Variants in ADARB2 observed in about 807,000 individuals in gnomAD.
ADARB2 encodes inactive double-stranded RNA-specific editase B2.
ADARB2 carries 25 observed loss-of-function variants against 62.2 expected under a neutral mutation model. The ratio of observed to expected loss-of-function variants is 0.40; its 90% confidence interval spans 0.29 to 0.56. The LOEUF (loss-of-function observed/expected upper bound fraction) is 0.56, where lower values mean the gene tolerates loss of function less well. Among genes scored for constraint, ADARB2 ranks in the 20% least tolerant of loss-of-function variants. ADARB2 has a pLI of 0.43. For synonymous variants in ADARB2, 572 were observed against 500.8 expected (o/e 1.14, Z -1.90); for missense variants, 1,071 against 1,077.4 (o/e 0.99, Z 0.08).
chr10:1,290,299 G>C (rs1442393134), intron 3 of ADARB2: 1 of 152,272 alleles, frequency 6.6e-6, no homozygotes, highest in Admixed American at 6.5e-5. Context: ...CTCCAGCAGA[G>C]AGTGGAGGCC....
At position 1,643,287 on chromosome 10, in the gene ADARB2, C is replaced by T. The variant is rs144025168; in HGVS notation, c.100+93764G>A. Among the ~76,000 whole-genome samples, 170 of 152,316 alleles carry T rather than the reference C, an allele frequency of 1.1e-3. 4 individuals carry two copies. The highest frequency in any genetic ancestry group is 3.4e-3 in the Middle Eastern group (1 of 294). On this transcript the variant is annotated intron_variant, in intron 1 of 9. Transcript: ENST00000381312. ...TGAAAGGGCTGGAATTTCCCTTTTGCAGCGTTTTCAGTACAAAGTCTCTGC... is the reference window on the plus strand; with the variant it reads ...TGAAAGGGCTGGAATTTCCCTTTTGTAGCGTTTTCAGTACAAAGTCTCTGC...
At chr10:1,351,294 G>C (rs1298479148) in intron 3 of ADARB2, among the ~76,000 whole-genome samples, 1 of 152,096 alleles carries the variant, frequency 6.6e-6, no homozygotes, top group Non-Finnish European at 1.5e-5. Flanking sequence ...ACAGTGGAAG[G>C]TAAGTCCGTC....
At chr10:1,689,858 A>C (rs978143290) in intron 1 of ADARB2, among the ~76,000 whole-genome samples, 1 of 152,234 alleles carries the variant, frequency 6.6e-6, no homozygotes, top group Non-Finnish European at 1.5e-5. Flanking sequence ...GCCAAATAAC[A>C]GTCCCCTCTA....
chr10:1,679,336 G>A (rs2119115501), intron 1 of ADARB2, among the ~76,000 whole-genome samples: 1 of 152,236 alleles, frequency 6.6e-6, no homozygotes, highest in Middle Eastern at 3.4e-3. Context: ...AGGAGATCCT[G>A]TGCCGGGCAC....
chr10:1,723,986 C>T (rs1835130476), intron 1 of ADARB2, among the ~76,000 whole-genome samples: 1 of 152,140 alleles, frequency 6.6e-6, no homozygotes, highest in Non-Finnish European at 1.5e-5. Flanking sequence ...CTTTAGTTTT[C>T]AGAAAATGTT....
intron 3 of ADARB2, among the ~76,000 whole-genome samples, chr10:1,271,641 CAG>C (rs1831264291): frequency 6.6e-6 from 1 of 151,950 alleles, no homozygotes; most frequent in African/African-American, 2.4e-5. Flanking sequence ...TGCACACACA[CAG>C]ACACACACAT....
intron 1 of ADARB2, among the ~76,000 whole-genome samples, chr10:1,586,107 A>G (rs1171520964): frequency 6.6e-6 from 1 of 152,212 alleles, no homozygotes; most frequent in African/African-American, 2.4e-5. Context: ...GGCACACGTC[A>G]TCAGGACCTA....
chr10:1,650,004 CTTT>C (rs1834090343), intron 1 of ADARB2, among the ~76,000 whole-genome samples: 1 of 152,200 alleles, frequency 6.6e-6, no homozygotes, highest in African/African-American at 2.4e-5. Context: ...CGTATCATAC[CTTT>C]TCATAACTAC....
intron 9 of ADARB2, among the ~76,000 whole-genome samples, 163 bp downstream of exon 9, chr10:1,184,696 GAA>G (rs1836727447): frequency 6.6e-6 from 1 of 152,222 alleles, no homozygotes; most frequent in South Asian, 2.1e-4. Context: ...GCCTACAGGG[GAA>G]ACGCTGCTGG....
intron 1 of ADARB2, among the ~76,000 whole-genome samples, chr10:1,465,838 G>A (rs531765520): frequency 4.9e-4 from 75 of 152,290 alleles, no homozygotes; most frequent in South Asian, 4.4e-3. Context: ...TCCCTCGGGC[G>A]GTCCTGGCTG....
intron 1 of ADARB2, among the ~76,000 whole-genome samples, chr10:1,519,641 G>A (rs954775358): frequency 2.6e-5 from 4 of 152,136 alleles, no homozygotes; most frequent in East Asian, 1.9e-4. Flanking sequence ...CTTTGGGTCC[G>A]TTTGACTTCT....
rs139529268 is a variant in ADARB2, at chr10:1,695,695, T to C, written c.100+41356A>G. On this transcript the variant is annotated intron_variant, in intron 1 of 9. Transcript: ENST00000381312. ...CATGTATGCAAGAAACATGAATGTGTGTGCATGTATGCAAACATACATGTA... is the reference window on the plus strand; with the variant it reads ...CATGTATGCAAGAAACATGAATGTGCGTGCATGTATGCAAACATACATGTA... Among the ~76,000 whole-genome samples, 1,002 of 152,260 alleles carry C rather than the reference T, an allele frequency of 6.6e-3. 7 individuals carry two copies. The highest frequency in any genetic ancestry group is 0.023 in the African/African-American group (937 of 41,554).
At chr10:1,683,240 G>C (rs768660369) in intron 1 of ADARB2, among the ~76,000 whole-genome samples, 2 of 152,042 alleles carry the variant, frequency 1.3e-5, no homozygotes, top group African/African-American at 4.8e-5. Flanking sequence ...GAGGATTTGG[G>C]CATCTCTTGG....
At chr10:1,432,305 G>C (rs1375819595) in intron 1 of ADARB2, among the ~76,000 whole-genome samples, 1 of 151,998 alleles carries the variant, frequency 6.6e-6, no homozygotes, top group African/African-American at 2.4e-5. Context: ...TATCAAGATG[G>C]AATTTGTTTG....
At position 1,516,017 on chromosome 10, in the gene ADARB2, C is replaced by A. The variant is rs143230430; in HGVS notation, c.101-136857G>T. Among the ~76,000 whole-genome samples, 104 of 152,308 alleles carry A rather than the reference C, an allele frequency of 6.8e-4. 1 individual carries two copies. Among genetic ancestry groups the A allele is most frequent in the Middle Eastern group, 6.8e-3 (2 of 294 alleles). ...CATATCTGTGGGCAGGAGATCTGAG[C>A]CAGTGCCAGATGTGGACAAAACTCA... On this transcript the variant is annotated intron_variant, in intron 1 of 9. Coordinates refer to ENST00000381312, the MANE Select transcript of ADARB2 (RefSeq NM_018702.4).
At chr10:1,313,766 CA>C (rs1831713080) in intron 3 of ADARB2, among the ~76,000 whole-genome samples, 1 of 152,202 alleles carries the variant, frequency 6.6e-6, no homozygotes, top group Non-Finnish European at 1.5e-5. Context: ...TTGCACAGTG[CA>C]AACTTCCATT....
intron 1 of ADARB2, among the ~76,000 whole-genome samples, chr10:1,533,288 CT>C (rs5782582): frequency 6.0e-4 from 85 of 142,544 alleles, no homozygotes; most frequent in African/African-American, 1.1e-3. Context: ...CTGGCTCATT[CT>C]TTTTTTTTTT....
At chr10:1,275,281 G>C (rs962680836) in intron 3 of ADARB2, among the ~76,000 whole-genome samples, 2 of 152,196 alleles carry the variant, frequency 1.3e-5, no homozygotes, top group Admixed American at 6.5e-5. Flanking sequence ...AGATGGCCTT[G>C]AACTGACAGA....
intron 1 of ADARB2, among the ~76,000 whole-genome samples, chr10:1,460,077 C>T (rs71500105): frequency 0.056 from 1,574 of 28,100 alleles, 128 homozygotes; most frequent in South Asian, 0.12. Context: ...AGTTTACCTG[C>T]GTAACGAACC....
Sources: allele counts gnomAD v4.1 joint callset (sites outside exome capture counted in the v4.1 genomes callset), GRCh38; gene constraint gnomAD v4.1.1; transcripts MANE v1.5; gene names NCBI Gene and HGNC (gene_info 2026-07-23, HGNC 2026-07-21).